TRIO: variants seen among roughly 807,000 people sequenced by gnomAD.
TRIO encodes the protein trio Rho guanine nucleotide exchange factor.
Under a neutral mutation model 351.9 loss-of-function variants are expected in TRIO, and 58 were observed. The observed-to-expected ratio is 0.16, with a 90% CI of 0.13 to 0.21. The LOEUF is 0.21. TRIO is among the 10% of genes least tolerant of loss of function. The pLI, the probability that TRIO is intolerant of heterozygous loss-of-function variation, is 1.00. For synonymous variants in TRIO, 1,758 were observed against 1,595.7 expected, an observed-to-expected ratio of 1.10 and a Z score of -2.42; for missense variants, 3,201 against 4,027.8, an observed-to-expected ratio of 0.79 and a Z score of 5.56.
At chr5:14,486,982 T>G (rs1755961296) in intron 47 of TRIO, among the ~76,000 whole-genome samples, 3 of 152,176 alleles carry the variant, frequency 2.0e-5, no homozygotes, top group Admixed American at 2.0e-4. Flanking sequence ...GTAAGAAAAC[T>G]CAGGCACCCA....
At chr5:14,419,707 T>G in intron 33 of TRIO, 71 bp from the exon 34 acceptor site, 1 of 1,577,216 alleles carries the variant, frequency 6.3e-7, no homozygotes, top group Admixed American at 1.7e-5. Flanking sequence ...CCTGGAGGAC[T>G]TCCCAGCTGT....
chr5:14,227,876 C>G (rs1793147029), intron 1 of TRIO, among the ~76,000 whole-genome samples: 1 of 152,148 alleles, frequency 6.6e-6, no homozygotes, highest in Non-Finnish European at 1.5e-5. Flanking sequence ...ATGAAAAAGT[C>G]TCTTATGAGT....
At chr5:14,220,148 A>G (rs1228523656) in intron 1 of TRIO, among the ~76,000 whole-genome samples, 1 of 150,530 alleles carries the variant, frequency 6.6e-6, no homozygotes, top group East Asian at 2.0e-4. Context: ...CTTGCTTTGT[A>G]TCTCTGTATC....
chr5:14,151,386 T>C (rs28472432), intron 1 of TRIO, among the ~76,000 whole-genome samples: 35 of 148,762 alleles, frequency 2.4e-4, no homozygotes, highest in African/African-American at 8.6e-4. Flanking sequence ...GTGTGTGTGT[T>C]TGTGTGTGTG....
chr5:14,502,602 G>A lies in TRIO; in HGVS notation c.8356G>A (p.Val2786Met), dbSNP rs1189498482. Reference sequence around the variant, plus strand: ...AGGTCCAGGGATGGATGGGATCATGGTGACCTGGAAAGACAACTTTGACTC... The same window carrying A: ...AGGTCCAGGGATGGATGGGATCATGATGACCTGGAAAGACAACTTTGACTC... The part of the protein sequence containing the change: ...VLGPGMDGIM[V>M]TWKDNFDSFY... The change falls in exon 54 of 57, where the codon GTG (valine) becomes ATG (methionine). Residue 2786 changes from valine (V) to methionine (M), a missense_variant. Physicochemically the swap from Val to Met is conservative, Grantham distance 21. Around this residue, in one of 19 missense-constraint regions of TRIO, gnomAD observed 1,089 missense variants for 954.9 expected, o/e 1.14. Transcript: ENST00000344204. The A allele has an allele frequency of 1.2e-6, 2 of 1,614,092 alleles. No individual in the cohort carries two copies. Among genetic ancestry groups the A allele is most frequent in the Non-Finnish European group, 1.7e-6 (2 of 1,180,040 alleles).
chr5:14,276,260 A>G (rs1232151533), intron 2 of TRIO, among the ~76,000 whole-genome samples: 1 of 152,208 alleles, frequency 6.6e-6, no homozygotes, highest in Admixed American at 6.5e-5. Context: ...GCATCCTAGC[A>G]TAGTGGGAGC....
chr5:14,374,274 C>A lies in TRIO; in HGVS notation c.3262C>A (p.Leu1088Met). ...GAATGCAGACGTCTTCCTGAAATAC[C>A]TGCACAGGAACAGCGTGAACATGCC... ...RRNADVFLKYLHRNSVNMPGM... is the reference protein window; with the variant it reads ...RRNADVFLKYMHRNSVNMPGM... Residue 1088 changes from leucine to methionine, a missense_variant, in exon 19 of 57, where the codon CTG (leucine) becomes ATG (methionine). Physicochemically the swap from Leu to Met is conservative, Grantham distance 15. Transcript: ENST00000344204. 1 of 1,613,778 alleles carries A rather than the reference C, an allele frequency of 6.2e-7. No individual in the cohort carries two copies. Among genetic ancestry groups the A allele is most frequent in the Non-Finnish European group, 8.5e-7 (1 of 1,179,804 alleles).
chr5:14,353,838 G>T (rs58828043), intron 11 of TRIO, among the ~76,000 whole-genome samples: 1 of 152,196 alleles, frequency 6.6e-6, no homozygotes, highest in Non-Finnish European at 1.5e-5. Flanking sequence ...GCTATGTATC[G>T]TGCATCCGGC....
chr5:14,480,724 G>GAAA (rs1755450023), intron 43 of TRIO, among the ~76,000 whole-genome samples: 1 of 152,214 alleles, frequency 6.6e-6, no homozygotes, highest in African/African-American at 2.4e-5. Context: ...GTCTGACTCT[G>GAAA]TGTACTGCAG....
intron 11 of TRIO, among the ~76,000 whole-genome samples, chr5:14,356,793 G>C (rs1158461748): frequency 6.6e-6 from 1 of 152,054 alleles, no homozygotes; most frequent in African/African-American, 2.4e-5. Flanking sequence ...CAGTGGAAAG[G>C]AACGAACCCT....
intron 31 of TRIO, among the ~76,000 whole-genome samples, chr5:14,405,299 C>T (rs565544875): frequency 1.6e-4 from 25 of 152,254 alleles, no homozygotes; most frequent in African/African-American, 5.5e-4. Flanking sequence ...ATTTATAAGA[C>T]GGGGCTGCAG....
intron 53 of TRIO, among the ~76,000 whole-genome samples, chr5:14,501,277 C>CTT (rs1416911666): frequency 6.6e-6 from 1 of 152,176 alleles, no homozygotes; most frequent in Non-Finnish European, 1.5e-5. Context: ...TTATAAAGCA[C>CTT]TTTAAAGGGG....
intron 18 of TRIO, among the ~76,000 whole-genome samples, chr5:14,370,984 T>C (rs1443073608): frequency 6.6e-6 from 1 of 152,218 alleles, no homozygotes; most frequent in East Asian, 1.9e-4. Flanking sequence ...TTTGGACTTG[T>C]TGGTGTCAGT....
chr5:14,479,957 A>G lies in TRIO; in HGVS notation c.6282A>G (p.Thr2094=), dbSNP rs770985548. 1 of 1,614,196 alleles carries G rather than the reference A, an allele frequency of 6.2e-7. No individual in the cohort carries two copies. The highest frequency in any genetic ancestry group is 8.5e-7 in the Non-Finnish European group (1 of 1,180,008). ...GTCTTGGCCACAGGTTACAGCTCAC[A>G]GATCTGTTGATCAAACCAGTGCAGA... ...KQRLGHRLQL[T]DLLIKPVQRI... is the part of the protein sequence containing the mutation. Residue 2094 remains threonine (T), a synonymous_variant, in exon 43 of 57, where the codon ACA becomes ACG. Transcript: ENST00000344204.
At chr5:14,196,582 C>A (rs1199113884) in intron 1 of TRIO, among the ~76,000 whole-genome samples, 1 of 152,110 alleles carries the variant, frequency 6.6e-6, no homozygotes, top group African/African-American at 2.4e-5. Flanking sequence ...AAATACTGAT[C>A]CCATGACTTG....
At chr5:14,431,054 A>C (rs1751076564) in intron 34 of TRIO, among the ~76,000 whole-genome samples, 1 of 152,118 alleles carries the variant, frequency 6.6e-6, no homozygotes, top group African/African-American at 2.4e-5. Flanking sequence ...CCCAAATCTA[A>C]CTTCCTTCCT....
At chr5:14,353,787 G>A (rs1743356926) in intron 11 of TRIO, among the ~76,000 whole-genome samples, 1 of 152,170 alleles carries the variant, frequency 6.6e-6, no homozygotes, top group South Asian at 2.1e-4. Flanking sequence ...AGCACTAATA[G>A]TAACTCTTAG....
intron 9 of TRIO, among the ~76,000 whole-genome samples, chr5:14,322,490 G>A (rs891872384): frequency 2.0e-5 from 3 of 152,216 alleles, no homozygotes; most frequent in African/African-American, 7.2e-5. Flanking sequence ...GTTGGCATAT[G>A]CCTAAGAGGC....
chr5:14,498,037 G>A (rs1341866132), intron 51 of TRIO, 52 bp from the exon 52 acceptor site: 8 of 1,612,690 alleles, frequency 5.0e-6, no homozygotes, highest in Non-Finnish European at 6.8e-6. Context: ...GTGGGTGGGT[G>A]TGGAGGAGGA....
Sources: gnomAD v4.1 joint callset for allele counts (sites outside exome capture counted in the v4.1 genomes callset) on GRCh38, gnomAD v4.1.1 for gene constraint, gnomAD v4.1.1 regional missense constraint, MANE v1.5 for transcripts, NCBI Gene and HGNC (gene_info 2026-07-23, HGNC 2026-07-21) for gene names.